The following KIAA0319L variants were observed in gnomAD, a reference collection of about 807,000 sequenced individuals.
The protein encoded by KIAA0319L is KIAA0319 like, also known as dyslexia-associated protein KIAA0319-like protein.
In KIAA0319L, 55 loss-of-function variants were observed where a neutral mutation model predicts 120.1. The observed-to-expected ratio is 0.46, with a 90% confidence interval of 0.37 to 0.57. The LOEUF (loss-of-function observed/expected upper bound fraction) is 0.57. Among genes scored for constraint, KIAA0319L ranks in the 20% least tolerant of loss-of-function variants. The probability of loss-of-function intolerance (pLI) is 0.00; values close to 1 mark genes in which losing one functional copy is unlikely to be tolerated. For synonymous variants in KIAA0319L, 398 were observed against 471.9 expected (o/e 0.84, Z 2.03); for missense variants, 1,049 against 1,255.3 (o/e 0.84, Z 2.48).
At position 35,442,842 on chromosome 1, in the gene KIAA0319L, C is replaced by A; in HGVS notation, c.2779+64G>T. 9.4e-6 allele frequency: 15 copies of A among 1,601,494 alleles called. No individual in the cohort carries two copies. The South Asian group carries it at 1.7e-4, about 18-fold the overall frequency. On this transcript the variant is annotated intron_variant, in intron 18 of 20. Coordinates refer to ENST00000325722, the MANE Select transcript of KIAA0319L (RefSeq NM_024874.5). The stretch of plus-strand genomic sequence containing the variant: ...CTGCTTCAGAAACACCAACACCCAC[C>A]CACTCAGTGCAGAACCACATTCAGC...
At chr1:35,554,612 G>T in intron 1 of KIAA0319L, 93 bp from the exon 2 acceptor site, 1 of 932,972 alleles carries the variant, frequency 1.1e-6, no homozygotes. Flanking sequence ...CAGATTAGGG[G>T]AAAGAAAAAT....
chr1:35,544,089 C>A (rs188523224), intron 2 of KIAA0319L, among the ~76,000 whole-genome samples: 3 of 152,156 alleles, frequency 2.0e-5, no homozygotes, highest in African/African-American at 7.2e-5. Context: ...AAGACTGGGC[C>A]GGGCATGGTG....
At chr1:35,471,647 T>C (rs80166281) in intron 5 of KIAA0319L, among the ~76,000 whole-genome samples, 11,808 of 152,214 alleles carry the variant, frequency 0.078, 1,105 homozygotes, top group East Asian at 0.44. Context: ...AAAAGTAGTC[T>C]TAAATTTTTT....
At chr1:35,526,360 T>C (rs968819592) in intron 2 of KIAA0319L, among the ~76,000 whole-genome samples, 3 of 143,450 alleles carry the variant, frequency 2.1e-5, no homozygotes, top group African/African-American at 7.8e-5. Context: ...TGTGTGTGTA[T>C]ATATATACAT....
At chr1:35,517,393 C>G (rs971002785) in intron 2 of KIAA0319L, among the ~76,000 whole-genome samples, 2 of 151,994 alleles carry the variant, frequency 1.3e-5, no homozygotes, top group African/African-American at 2.4e-5. Flanking sequence ...GAATAGAGAG[C>G]CCAGAAACAA....
chr1:35,481,888 G>C (rs373895428), intron 3 of KIAA0319L, among the ~76,000 whole-genome samples: 1 of 134,714 alleles, frequency 7.4e-6, no homozygotes, highest in East Asian at 2.4e-4. Context: ...GCAGTGGCGC[G>C]ATCTCGGCTC....
chr1:35,441,250 G>T, intron 19 of KIAA0319L, 112 bp from the exon 20 acceptor site: 1 of 830,554 alleles, frequency 1.2e-6, no homozygotes, highest in Non-Finnish European at 2.0e-6. Flanking sequence ...TACTGAGAGG[G>T]GTGTCCTCTC....
chr1:35,508,064 G>A (rs1405617252), intron 2 of KIAA0319L, among the ~76,000 whole-genome samples: 1 of 152,148 alleles, frequency 6.6e-6, no homozygotes. Context: ...TGGCTCTATA[G>A]GTGTCTATTA....
At chr1:35,456,482 G>A (rs993265962) in intron 9 of KIAA0319L, among the ~76,000 whole-genome samples, 2 of 152,056 alleles carry the variant, frequency 1.3e-5, no homozygotes, top group Non-Finnish European at 2.9e-5. Context: ...ATTCTATAAA[G>A]TATCATCCTC....
chr1:35,513,342 T>A (rs1645552582), intron 2 of KIAA0319L, among the ~76,000 whole-genome samples: 1 of 144,426 alleles, frequency 6.9e-6, no homozygotes. Flanking sequence ...TGGCTGCACA[T>A]GATGGCTCAC....
At chr1:35,467,200 T>C (rs1425842624) in intron 6 of KIAA0319L, among the ~76,000 whole-genome samples, 3 of 152,166 alleles carry the variant, frequency 2.0e-5, no homozygotes, top group African/African-American at 7.2e-5. Flanking sequence ...CATTTTCTTT[T>C]CAGAAGAACA....
At chr1:35,543,668 T>C (rs1011352774) in intron 2 of KIAA0319L, among the ~76,000 whole-genome samples, 2 of 152,200 alleles carry the variant, frequency 1.3e-5, no homozygotes, top group Admixed American at 6.5e-5. Flanking sequence ...CAGGTACCTT[T>C]TTCCTGCCAG....
chr1:35,474,566 T>C (rs1643830937), intron 5 of KIAA0319L, among the ~76,000 whole-genome samples: 1 of 152,192 alleles, frequency 6.6e-6, no homozygotes. Context: ...TTATTCAAGA[T>C]GACTGCTAAT....
In KIAA0319L at chr1:35,454,473, G is replaced by A. The variant is rs983303423; in HGVS notation, c.1669C>T (p.Pro557Ser). 6.2e-7 allele frequency: 1 copy of A among 1,614,136 alleles called. No individual in the cohort carries two copies. The highest frequency in any genetic ancestry group is 2.2e-5 in the East Asian group (1 of 44,884). Residue 557 changes from proline (P) to serine (S), a missense_variant, in exon 11 of 21, where the codon CCA becomes TCA. Transcript: ENST00000325722. The part of the protein sequence containing the change: ...KVVEMQGVRT[P>S]TLQLSAMQEG... The stretch of plus-strand genomic sequence containing the variant: ...TGCATCGCAGAGAGCTGTAAGGTTG[G>A]TGTTCTAACACCCTACAAATACAAA...
In KIAA0319L at chr1:35,514,364, TA is replaced by T. The variant is rs565871208; in HGVS notation, c.143-7230del. Among the ~76,000 whole-genome samples, 1,136 of 140,842 alleles carry T rather than the reference TA, an allele frequency of 8.1e-3. 11 individuals carry two copies. The highest frequency in any genetic ancestry group is 0.026 in the African/African-American group (985 of 37,990). 92.4% of individuals were successfully genotyped at this position (140,842 alleles called of 152,430 possible). On this transcript the variant is annotated intron_variant, in intron 2 of 20. Transcript: ENST00000325722. The stretch of plus-strand genomic sequence containing the variant: ...GGAAAGTATCATCGATGCTAGGGAT[TA>T]AAAAAAAAAAACAAAACTTACAAAA...
rs1417984506 is a variant in KIAA0319L, at chr1:35,435,061, A to C, written c.2983T>G (p.Leu995Val). The C allele has an allele frequency of 1.2e-6, 2 of 1,613,984 alleles. No homozygotes were observed. Among genetic ancestry groups the C allele is most frequent in the African/African-American group, 1.3e-5 (1 of 74,908 alleles). Residue 995 changes from leucine (L) to valine (V), a missense_variant, in exon 21 of 21, where the codon TTG becomes GTG. Physicochemically the swap from Leu to Val is conservative, Grantham distance 32. Transcript: ENST00000325722. ...GAGTGCATCAGGCTGCTACTTAGCA[A>C]AAGGCCTTTCTGTTTGATGCCTGCA... ...SRAGIKQKGLLLSSSLMHSES... is the reference protein window; with the variant it reads ...SRAGIKQKGLVLSSSLMHSES...
At chr1:35,522,691 A>G (rs986159574) in intron 2 of KIAA0319L, among the ~76,000 whole-genome samples, 2 of 152,082 alleles carry the variant, frequency 1.3e-5, no homozygotes, top group African/African-American at 4.8e-5. Context: ...GGCCTCTTAC[A>G]ATGAAAACCA....
At chr1:35,462,581 G>T (rs1204679160) in intron 8 of KIAA0319L, 40 bp downstream of exon 8, 2 of 1,480,788 alleles carry the variant, frequency 1.4e-6, no homozygotes, top group Admixed American at 1.7e-5. Flanking sequence ...AGTACACGGT[G>T]AATGTTCTTC....
Position 35,442,263 on chromosome 1 carries a change from C to T in KIAA0319L, c.2853G>A (p.Val951=). ...CATCTTACCTCTTACAACAACAGAT[C>T]ACAGTCCAAGACAGGATTCCCAAGG... is the stretch of plus-strand genomic sequence containing the variant. ...VVALGILSWT[V]ICCCKRQKGK... The change falls in exon 19 of 21, where the codon GTG becomes GTA. Residue 951 remains valine, a synonymous_variant. Coordinates refer to ENST00000325722, the MANE Select transcript of KIAA0319L (RefSeq NM_024874.5). 1 of 1,612,798 alleles carries T rather than the reference C, an allele frequency of 6.2e-7. No individual in the cohort carries two copies. The highest frequency in any genetic ancestry group is 1.1e-5 in the South Asian group (1 of 91,060).
Sources: allele counts gnomAD v4.1 joint callset (sites outside exome capture counted in the v4.1 genomes callset), GRCh38; gene constraint gnomAD v4.1.1; transcripts MANE v1.5; gene names NCBI Gene and HGNC (gene_info 2026-07-23, HGNC 2026-07-21).